The following CNGA1 variants were observed in gnomAD, a reference collection of about 807,000 sequenced individuals.
CNGA1 encodes cyclic nucleotide-gated channel alpha-1.
CNGA1 carries 53 observed loss-of-function variants against 69.7 expected under a neutral mutation model. The ratio of observed to expected loss-of-function variants is 0.76; its 90% CI spans 0.61 to 0.96. The LOEUF (loss-of-function observed/expected upper bound fraction) is 0.96. CNGA1 is among the 40% of genes least tolerant of loss of function. The pLI, the probability that CNGA1 is intolerant of heterozygous loss-of-function variation, is 0.00. For missense variants in CNGA1, 739 were observed against 811.2 expected (o/e 0.91, Z 1.08); for synonymous variants, 249 against 283.5 (o/e 0.88, Z 1.22).
At chr4:47,976,482 G>A (rs1279336924) in intron 3 of CNGA1, among the ~76,000 whole-genome samples, 2 of 151,424 alleles carry the variant, frequency 1.3e-5, no homozygotes, top group African/African-American at 4.9e-5. Context: ...CAAATTTCTT[G>A]ATAGTAACAA....
intron 3 of CNGA1, among the ~76,000 whole-genome samples, chr4:47,977,680 T>C (rs1052296356): frequency 2.6e-5 from 4 of 152,204 alleles, no homozygotes; most frequent in African/African-American, 9.7e-5. Context: ...CTCTAATGTC[T>C]CCAGAACCTT....
chr4:47,984,661 T>C (rs868293232), intron 2 of CNGA1, among the ~76,000 whole-genome samples: 132 of 97,000 alleles, frequency 1.4e-3, no homozygotes, highest in Middle Eastern at 9.9e-3. Flanking sequence ...TATATATATA[T>C]ATACACACAC....
At chr4:48,013,602 A>G (rs1032754954) in intron 1 of CNGA1, among the ~76,000 whole-genome samples, 2 of 152,228 alleles carry the variant, frequency 1.3e-5, no homozygotes, top group African/African-American at 4.8e-5. Flanking sequence ...AGGCGATCAG[A>G]TATGTCAGTG....
chr4:47,962,119 G>A (rs373820033), intron 3 of CNGA1, among the ~76,000 whole-genome samples: 3 of 152,166 alleles, frequency 2.0e-5, no homozygotes, highest in East Asian at 3.8e-4. Flanking sequence ...GCCAAGGCGG[G>A]TGGATCACGA....
chr4:47,952,621 A>G lies in CNGA1; in HGVS notation c.69T>C (p.Ile23=). 6.2e-7 allele frequency: 1 copy of G among 1,611,700 alleles called. No individual in the cohort carries two copies. Among genetic ancestry groups the G allele is most frequent in the Non-Finnish European group, 8.5e-7 (1 of 1,178,444 alleles). ...VTMPNVIVPD[I]EKEIRRMENG... ...TTTCCATCCTTCGTATTTCCTTTTC[A>G]ATATCTGGTACAATCACATTGGGCA... The change falls in exon 4 of 11, where the codon ATT becomes ATC. Residue 23 remains isoleucine (I), a synonymous_variant. Coordinates refer to ENST00000514170, the MANE Select transcript of CNGA1 (RefSeq NM_001379270.1).
chr4:47,971,196 G>T, intron 3 of CNGA1: 13 of 380,744 alleles, frequency 3.4e-5, no homozygotes, highest in Middle Eastern at 8.5e-4. Flanking sequence ...GTGTGTGTGT[G>T]TGCTGTGCGT....
At chr4:47,999,285 G>C (rs1224509869) in intron 2 of CNGA1, among the ~76,000 whole-genome samples, 1 of 152,188 alleles carries the variant, frequency 6.6e-6, no homozygotes, top group East Asian at 1.9e-4. Context: ...CATGGTTTCA[G>C]GCACCCCCTG....
At chr4:48,007,982 A>C (rs936110680) in intron 2 of CNGA1, among the ~76,000 whole-genome samples, 5 of 152,200 alleles carry the variant, frequency 3.3e-5, no homozygotes, top group Non-Finnish European at 5.9e-5. Context: ...GATGCAATAG[A>C]AGTTTAACTT....
chr4:47,951,400 C>T lies in CNGA1; in HGVS notation c.177G>A (p.Arg59=), dbSNP rs1739732073. ...TGAGTGACTTATAACTAAAGGAACC[C>T]CTTGCATGAGGGTTTTCATTCTCTG... ...EESENENPHA[R]GSFSYKSLRK... Residue 59 remains arginine, a synonymous_variant, in exon 5 of 11, where the codon AGG becomes AGA. Coordinates refer to ENST00000514170, the MANE Select transcript of CNGA1 (RefSeq NM_001379270.1). The T allele has an allele frequency of 6.2e-7, 1 of 1,613,810 alleles. No homozygotes were observed. The highest frequency in any genetic ancestry group is 8.5e-7 in the Non-Finnish European group (1 of 1,179,792).
At chr4:47,946,351 G>A (rs1739397473) in intron 6 of CNGA1, among the ~76,000 whole-genome samples, 1 of 152,152 alleles carries the variant, frequency 6.6e-6, no homozygotes, top group African/African-American at 2.4e-5. Context: ...GCATACCTAA[G>A]GTTCTGGGTC....
At chr4:48,011,192 C>A (rs913142251) in intron 1 of CNGA1, among the ~76,000 whole-genome samples, 4 of 152,148 alleles carry the variant, frequency 2.6e-5, no homozygotes, top group African/African-American at 9.7e-5. Context: ...CGGTCACTTT[C>A]CCAGCTAGGC....
chr4:47,995,573 A>G (rs1227567914), intron 2 of CNGA1, among the ~76,000 whole-genome samples: 1 of 148,650 alleles, frequency 6.7e-6, no homozygotes, highest in Non-Finnish European at 1.5e-5. Flanking sequence ...TTATTTCCTT[A>G]AATTGGGCTT....
intron 10 of CNGA1, among the ~76,000 whole-genome samples, chr4:47,939,173 C>T (rs1473823937): frequency 6.6e-6 from 1 of 152,172 alleles, no homozygotes; most frequent in African/African-American, 2.4e-5. Flanking sequence ...AAGCTTGGAA[C>T]TTTTACCCCA....
At chr4:47,965,795 C>T (rs900860392) in intron 3 of CNGA1, among the ~76,000 whole-genome samples, 1 of 152,014 alleles carries the variant, frequency 6.6e-6, no homozygotes, top group Non-Finnish European at 1.5e-5. Context: ...ATTTTTCCAT[C>T]TGTTTTTAAA....
At chr4:47,982,377 C>T (rs1354665396) in intron 2 of CNGA1, among the ~76,000 whole-genome samples, 3 of 152,158 alleles carry the variant, frequency 2.0e-5, no homozygotes, top group African/African-American at 4.8e-5. Flanking sequence ...GCTCCAGTAG[C>T]GTAGGAGGCT....
chr4:47,982,285 G>A (rs528813423), intron 2 of CNGA1, among the ~76,000 whole-genome samples: 1 of 152,234 alleles, frequency 6.6e-6, no homozygotes, highest in Admixed American at 6.5e-5. Flanking sequence ...AATACATCAT[G>A]CATTCTCCAG....
chr4:47,970,934 T>C (rs1311231459), intron 3 of CNGA1: 1 of 453,644 alleles, frequency 2.2e-6, no homozygotes, highest in Non-Finnish European at 4.4e-6. Flanking sequence ...GGTGGGCAGA[T>C]CACTTGAGAT....
chr4:47,989,313 GA>G (rs932180988), intron 2 of CNGA1, among the ~76,000 whole-genome samples: 4 of 152,112 alleles, frequency 2.6e-5, no homozygotes, highest in Admixed American at 2.6e-4. Flanking sequence ...ATTAGTTACA[GA>G]ACATGAGCAT....
intron 3 of CNGA1, among the ~76,000 whole-genome samples, chr4:47,960,272 G>A (rs1278732809): frequency 6.6e-6 from 1 of 152,100 alleles, no homozygotes; most frequent in African/African-American, 2.4e-5. Context: ...CAAATGTCAC[G>A]CATGTCACTG....
Sources: gnomAD v4.1 joint callset for allele counts (sites outside exome capture counted in the v4.1 genomes callset) on GRCh38, gnomAD v4.1.1 for gene constraint, MANE v1.5 for transcripts, NCBI Gene and HGNC (gene_info 2026-07-23, HGNC 2026-07-21) for gene names.